The following ANKRD30BL variants were observed in gnomAD, a reference collection of about 807,000 sequenced individuals.
ANKRD30BL encodes putative ankyrin repeat domain-containing protein 30B-like.
Under a neutral mutation model 18.4 loss-of-function variants are expected in ANKRD30BL, and 20 were observed. That is an observed-to-expected ratio of 1.09 (90% CI 0.77 to 1.58). The LOEUF (loss-of-function observed/expected upper bound fraction) is 1.58, where lower values mean the gene tolerates loss of function less well. Among genes scored for constraint, ANKRD30BL ranks in the 40% most tolerant of loss-of-function variants. The pLI is 0.00. For missense variants in ANKRD30BL, 224 were observed against 268.6 expected (o/e 0.83, Z 1.16); for synonymous variants, 72 against 100.9 (o/e 0.71, Z 1.72).
intron 1 of ANKRD30BL, among the ~76,000 whole-genome samples, chr2:132,195,041 A>G (rs1678935071): frequency 6.6e-6 from 1 of 152,206 alleles, no homozygotes; most frequent in African/African-American, 2.4e-5. Flanking sequence ...GAGGTAGGCT[A>G]TAGAAGAAGG....
At chr2:132,225,694 G>A (rs62166066) in intron 1 of ANKRD30BL, among the ~76,000 whole-genome samples, 9,056 of 151,882 alleles carry the variant, frequency 0.06, 332 homozygotes, top group South Asian at 0.12. Flanking sequence ...AGTTTTTTCC[G>A]AAACTTCTTT....
intron 1 of ANKRD30BL, among the ~76,000 whole-genome samples, chr2:132,212,060 T>C (rs1490486485): frequency 6.6e-6 from 1 of 151,712 alleles, no homozygotes; most frequent in South Asian, 2.1e-4. Context: ...TGGCAGCCTA[T>C]GGTGGAAAAG....
intron 1 of ANKRD30BL, among the ~76,000 whole-genome samples, chr2:132,185,106 C>T (rs953550018): frequency 6.6e-6 from 1 of 152,194 alleles, no homozygotes; most frequent in African/African-American, 2.4e-5. Context: ...GCCACTGCAC[C>T]TGGCCCAAAA....
chr2:132,241,707 C>A (rs996621290), intron 1 of ANKRD30BL, among the ~76,000 whole-genome samples: 1 of 151,368 alleles, frequency 6.6e-6, no homozygotes, highest in African/African-American at 2.4e-5. Flanking sequence ...TTCACAGAAG[C>A]ATTCTGAGAA....
intron 1 of ANKRD30BL, among the ~76,000 whole-genome samples, chr2:132,254,539 G>A (rs1327374111): frequency 1.3e-5 from 2 of 152,186 alleles, no homozygotes; most frequent in South Asian, 2.1e-4. Context: ...GGGACTTCAT[G>A]CAAGCTTATG....
At chr2:132,195,459 G>T (rs1266973873) in intron 1 of ANKRD30BL, among the ~76,000 whole-genome samples, 1 of 151,690 alleles carries the variant, frequency 6.6e-6, no homozygotes, top group African/African-American at 2.4e-5. Context: ...TTCCTTTTAA[G>T]TGAGTACACT....
chr2:132,235,348 C>A (rs969450451), intron 1 of ANKRD30BL, among the ~76,000 whole-genome samples: 1 of 152,080 alleles, frequency 6.6e-6, no homozygotes, highest in Non-Finnish European at 1.5e-5. Flanking sequence ...GGCAACTAGG[C>A]AGGAGAAGGA....
intron 1 of ANKRD30BL, among the ~76,000 whole-genome samples, chr2:132,231,193 C>G (rs1276528468): frequency 6.6e-6 from 1 of 152,096 alleles, no homozygotes; most frequent in Non-Finnish European, 1.5e-5. Context: ...TCAGAAACTT[C>G]TTTGTGATGG....
chr2:132,240,003 C>A (rs1293450833), intron 1 of ANKRD30BL, among the ~76,000 whole-genome samples: 1 of 151,336 alleles, frequency 6.6e-6, no homozygotes, highest in East Asian at 2.0e-4. Context: ...TAGACAGAAG[C>A]ATTCTCAGAA....
At chr2:132,221,367 G>GC (rs1679674404) in intron 1 of ANKRD30BL, among the ~76,000 whole-genome samples, 1 of 142,882 alleles carries the variant, frequency 7.0e-6, no homozygotes, top group Admixed American at 6.7e-5. Flanking sequence ...CGGGAGGGGG[G>GC]AGGGGGGGTC....
chr2:132,170,439 A>C (rs1688258530), intron 1 of ANKRD30BL, among the ~76,000 whole-genome samples: 1 of 152,166 alleles, frequency 6.6e-6, no homozygotes, highest in Non-Finnish European at 1.5e-5. Context: ...TCCCCGCTGC[A>C]AACTTCCCGA....
chr2:132,187,403 C>T (rs200809524), intron 1 of ANKRD30BL, among the ~76,000 whole-genome samples: 5 of 151,522 alleles, frequency 3.3e-5, no homozygotes, highest in African/African-American at 7.3e-5. Context: ...CCATGTTGGC[C>T]GGGCTTCCTC....
At chr2:132,166,703 A>G (rs1204842074), upstream of ANKRD30BL, among the ~76,000 whole-genome samples, 1 of 151,676 alleles carries the variant, frequency 6.6e-6, no homozygotes, top group Non-Finnish European at 1.5e-5. Flanking sequence ...TTTTTTCTTT[A>G]TTAGTTTGTC....
At position 132,182,840 on chromosome 2, in the gene ANKRD30BL, T is replaced by A. The variant is rs528245596; in HGVS notation, n.442-25694A>T. On this transcript the variant is annotated intron_variant and non_coding_transcript_variant, in intron 1 of 4. Transcript: ENST00000470729. The stretch of plus-strand genomic sequence containing the variant: ...TGATATGTGAAGGTACCACATTTAT[T>A]CATTGAATTCCCTTCCTGAGTGAAT... Among the ~76,000 whole-genome samples the A allele has an allele frequency of 6.0e-4, 91 of 152,318 alleles. 1 individual carries two copies. The highest frequency in any genetic ancestry group is 2.1e-3 in the African/African-American group (89 of 41,582).
intron 1 of ANKRD30BL, chr2:132,256,843 G>C (rs1680860523): frequency 2.4e-6 from 1 of 418,458 alleles, no homozygotes; most frequent in African/African-American, 2.1e-5. Flanking sequence ...GGCCACCACA[G>C]CCTAAGGCGG....
chr2:132,206,521 A>G (rs1031854492), intron 1 of ANKRD30BL, among the ~76,000 whole-genome samples: 1 of 152,184 alleles, frequency 6.6e-6, no homozygotes, highest in African/African-American at 2.4e-5. Flanking sequence ...TCCCATATGT[A>G]AAATGAGAAT....
intron 1 of ANKRD30BL, among the ~76,000 whole-genome samples, chr2:132,251,996 T>C (rs10173268): frequency 0.039 from 5,970 of 152,196 alleles, 335 homozygotes; most frequent in African/African-American, 0.14. Flanking sequence ...GAAATAGATA[T>C]TTAACAAACC....
chr2:132,209,390 G>A (rs1573843017), intron 1 of ANKRD30BL, among the ~76,000 whole-genome samples: 1 of 152,128 alleles, frequency 6.6e-6, no homozygotes, highest in Non-Finnish European at 1.5e-5. Context: ...TCTTTGTGAT[G>A]TGTGCATTCA....
At chr2:132,196,513 CG>C (rs1208540324) in intron 1 of ANKRD30BL, among the ~76,000 whole-genome samples, 2 of 151,950 alleles carry the variant, frequency 1.3e-5, no homozygotes, top group Non-Finnish European at 2.9e-5. Context: ...AGCAGCCAGG[CG>C]TGGTGGCTCA....
Sources: gnomAD v4.1 joint callset for allele counts (sites outside exome capture counted in the v4.1 genomes callset) on GRCh38, gnomAD v4.1.1 for gene constraint, MANE v1.5 for transcripts, NCBI Gene and HGNC (gene_info 2026-07-23, HGNC 2026-07-21) for gene names.